Variants in CNTN5 observed in about 807,000 individuals in gnomAD.
CNTN5 encodes the protein contactin-5.
In CNTN5, 77 loss-of-function variants were observed where a neutral mutation model predicts 129.1. The observed-to-expected ratio is 0.60, with a 90% CI of 0.50 to 0.72. The LOEUF (loss-of-function observed/expected upper bound fraction) is 0.72, where lower values mean the gene tolerates loss of function less well. Ranked by LOEUF, CNTN5 falls within the 30% of genes least tolerant of loss-of-function variation. CNTN5 has a pLI of 0.00. For synonymous variants in CNTN5, 509 were observed against 465.6 expected (o/e 1.09, Z -1.20); for missense variants, 1,478 against 1,328.8 (o/e 1.11, Z -1.75).
chr11:99,387,326 C>A (rs1295252380), intron 2 of CNTN5, among the ~76,000 whole-genome samples: 1 of 151,994 alleles, frequency 6.6e-6, no homozygotes, highest in African/African-American at 2.4e-5. Context: ...AGTCACACAC[C>A]CACAGATATT....
intron 21 of CNTN5, among the ~76,000 whole-genome samples, chr11:100,325,328 A>G (rs1168013535): frequency 1.3e-5 from 2 of 152,136 alleles, no homozygotes; most frequent in Non-Finnish European, 1.5e-5. Context: ...AATTTAAATT[A>G]GTTGCAACTT....
intron 3 of CNTN5, among the ~76,000 whole-genome samples, chr11:99,701,260 T>G (rs1160155253): frequency 6.6e-6 from 1 of 151,106 alleles, no homozygotes; most frequent in Non-Finnish European, 1.5e-5. Context: ...GAGTAAAGTG[T>G]AAAGTGGAAG....
chr11:99,971,747 G>A (rs987594658), intron 8 of CNTN5, among the ~76,000 whole-genome samples: 13 of 151,734 alleles, frequency 8.6e-5, no homozygotes, highest in African/African-American at 3.2e-4. Flanking sequence ...ATAATGTTTT[G>A]TTATGGCTAA....
In CNTN5 at chr11:99,916,071, G is replaced by A. The variant is rs1388545102; in HGVS notation, c.595G>A (p.Gly199Ser). ...LQFAYLGNFSGRTRSAVSVRE... is the reference protein window; with the variant it reads ...LQFAYLGNFSSRTRSAVSVRE... ...GTTGACAGATCTGGGAAATTTTAGT[G>A]GCCGGACAAGAAGTGCAGTCTCTGT... The change falls in exon 7 of 25, where the codon GGC becomes AGC. Residue 199 changes from glycine to serine, a missense_variant. Transcript: ENST00000524871. The A allele has an allele frequency of 6.2e-7, 1 of 1,611,834 alleles. No homozygotes were observed. Among genetic ancestry groups the A allele is most frequent in the African/African-American group, 1.3e-5 (1 of 74,828 alleles).
rs1431183975 is a variant in CNTN5, at chr11:100,357,532, G to T, written c.*1312G>T. The T allele has an allele frequency of 6.6e-6, 1 of 151,752 alleles. No individual in the cohort carries two copies. Among genetic ancestry groups the T allele is most frequent in the South Asian group, 2.1e-4 (1 of 4,832 alleles). The allele number at this position is 151,752 out of a possible 1,614,324, so 9.4% of individuals were successfully genotyped here. A position where few individuals can be genotyped will look rare whatever the true frequency, so the allele number is the denominator to read the frequency against. Reference sequence around the variant, plus strand: ...CTTAAAGAAGTTCTAACAAGCACAAGAATGTGCCAGAGTTGGCATCATACC... The same window carrying T: ...CTTAAAGAAGTTCTAACAAGCACAATAATGTGCCAGAGTTGGCATCATACC... On this transcript the variant is annotated 3_prime_UTR_variant, in exon 25 of 25. Transcript: ENST00000524871.
At chr11:99,567,290 A>G (rs930435966) in intron 3 of CNTN5, among the ~76,000 whole-genome samples, 11 of 152,312 alleles carry the variant, frequency 7.2e-5, no homozygotes, top group Admixed American at 4.6e-4. Context: ...ATTAATACAT[A>G]TAGTTTTTTT....
intron 13 of CNTN5, among the ~76,000 whole-genome samples, chr11:100,156,755 T>C (rs112296364): frequency 0.037 from 5,568 of 152,174 alleles, 116 homozygotes; most frequent in Middle Eastern, 0.065. Context: ...CAATTTCTTA[T>C]TTCTTCTAGA....
At chr11:99,305,859 T>C (rs1403912073) in intron 1 of CNTN5, among the ~76,000 whole-genome samples, 1 of 152,018 alleles carries the variant, frequency 6.6e-6, no homozygotes, top group South Asian at 2.1e-4. Context: ...GAGGCACCTG[T>C]AGTCCCAGCT....
chr11:99,021,896 G>A (rs1166641111), intron 1 of CNTN5, among the ~76,000 whole-genome samples: 2 of 152,126 alleles, frequency 1.3e-5, no homozygotes, highest in Non-Finnish European at 2.9e-5. Flanking sequence ...GGAGATATAC[G>A]GAAGAGAATA....
chr11:99,884,553 C>A (rs1456092282), intron 6 of CNTN5, among the ~76,000 whole-genome samples: 1 of 151,960 alleles, frequency 6.6e-6, no homozygotes, highest in African/African-American at 2.4e-5. Flanking sequence ...GAGAATTCTC[C>A]AAAACTCATA....
intron 1 of CNTN5, among the ~76,000 whole-genome samples, chr11:99,044,757 C>CGG (rs1344823099): frequency 6.6e-6 from 1 of 152,074 alleles, no homozygotes; most frequent in Admixed American, 6.6e-5. Context: ...TGTAAAGTGT[C>CGG]GGGTCCTCTA....
chr11:100,184,574 C>T (rs535393114), intron 13 of CNTN5, among the ~76,000 whole-genome samples: 4 of 152,250 alleles, frequency 2.6e-5, no homozygotes, highest in South Asian at 2.1e-4. Flanking sequence ...CAGGCATGAA[C>T]TTGGAAGCAG....
chr11:99,264,423 G>C (rs967229559), intron 1 of CNTN5, among the ~76,000 whole-genome samples: 4 of 151,896 alleles, frequency 2.6e-5, no homozygotes, highest in African/African-American at 9.7e-5. Flanking sequence ...TTTTATGGGA[G>C]GCATTGAGTT....
At chr11:99,872,789 A>G (rs923557063) in intron 6 of CNTN5, among the ~76,000 whole-genome samples, 4 of 152,156 alleles carry the variant, frequency 2.6e-5, no homozygotes, top group Admixed American at 2.6e-4. Flanking sequence ...TCATTTAAAG[A>G]TATCTTTACT....
chr11:100,218,883 G>T (rs2138611372), intron 15 of CNTN5, among the ~76,000 whole-genome samples: 1 of 152,148 alleles, frequency 6.6e-6, no homozygotes. Flanking sequence ...TTTTGAGGTG[G>T]TAAATAAAAT....
chr11:99,465,396 CTTGCACT>C (rs1257252051), intron 2 of CNTN5, among the ~76,000 whole-genome samples: 19 of 152,200 alleles, frequency 1.2e-4, no homozygotes, highest in Admixed American at 1.1e-3. Context: ...ACTTCTAGCC[CTTGCACT>C]TTCTATGCAT....
chr11:100,132,224 T>A (rs1489190759), intron 13 of CNTN5, among the ~76,000 whole-genome samples: 1 of 152,150 alleles, frequency 6.6e-6, no homozygotes, highest in Non-Finnish European at 1.5e-5. Context: ...AGGTTTCTAA[T>A]ACTTATTTGA....
chr11:99,799,638 T>C (rs895438817), intron 3 of CNTN5, among the ~76,000 whole-genome samples: 1 of 152,090 alleles, frequency 6.6e-6, no homozygotes, highest in Non-Finnish European at 1.5e-5. Flanking sequence ...CTGTAGGATT[T>C]GGTTTGCTAG....
chr11:100,157,968 A>T (rs1947313882), intron 13 of CNTN5, among the ~76,000 whole-genome samples: 1 of 151,852 alleles, frequency 6.6e-6, no homozygotes, highest in African/African-American at 2.4e-5. Context: ...TAAACATGAT[A>T]TTGGAGAATA....
Sources: gnomAD v4.1 joint callset for allele counts (sites outside exome capture counted in the v4.1 genomes callset) on GRCh38, gnomAD v4.1.1 for gene constraint, MANE v1.5 for transcripts, NCBI Gene and HGNC (gene_info 2026-07-23, HGNC 2026-07-21) for gene names.